Variants in CACNA1A observed in about 807,000 individuals in gnomAD.
The protein encoded by CACNA1A is voltage-dependent P/Q-type calcium channel subunit alpha-1A.
In CACNA1A, 57 loss-of-function variants were observed where a neutral mutation model predicts 262.4. The observed-to-expected ratio is 0.22, with a 90% CI of 0.18 to 0.27. CACNA1A has a LOEUF of 0.27. CACNA1A is among the 10% of genes least tolerant of loss of function. The probability of loss-of-function intolerance (pLI) is 1.00; values close to 1 mark genes in which losing one functional copy is unlikely to be tolerated. For synonymous variants in CACNA1A, 1,431 were observed against 1,419.3 expected (o/e 1.01, Z -0.18); for missense variants, 2,526 against 3,562.8 (o/e 0.71, Z 7.41).
At chr19:13,340,048 A>G (rs1487105129) in intron 6 of CACNA1A, among the ~76,000 whole-genome samples, 3 of 152,152 alleles carry the variant, frequency 2.0e-5, no homozygotes, top group South Asian at 2.1e-4. Flanking sequence ...GGCTAAATAT[A>G]GCCCAGGGAA....
At chr19:13,229,924 G>T in intron 36 of CACNA1A, 158 bp downstream of exon 36, 1 of 800,348 alleles carries the variant, frequency 1.2e-6, no homozygotes, top group South Asian at 2.2e-5. Context: ...GTATGCAAGG[G>T]TGATGATTCT....
intron 38 of CACNA1A, among the ~76,000 whole-genome samples, chr19:13,221,386 C>T (rs2055225743): frequency 6.7e-6 from 1 of 148,996 alleles, no homozygotes; most frequent in Admixed American, 6.8e-5. Flanking sequence ...GTGTGCACCA[C>T]CATGCCTGGC....
intron 1 of CACNA1A, among the ~76,000 whole-genome samples, chr19:13,493,575 T>C (rs897885886): frequency 6.6e-6 from 1 of 152,254 alleles, no homozygotes; most frequent in Non-Finnish European, 1.5e-5. Flanking sequence ...TCTTTCTCTG[T>C]TCCTTGTCAT....
chr19:13,282,741 G>A (rs2057320918), intron 22 of CACNA1A, among the ~76,000 whole-genome samples: 3 of 152,106 alleles, frequency 2.0e-5, no homozygotes, highest in Non-Finnish European at 2.9e-5. Flanking sequence ...TGCATGCTGA[G>A]TTTCTTCCTG....
chr19:13,299,372 A>G lies in CACNA1A; in HGVS notation c.2280-19T>C. The G allele has an allele frequency of 6.3e-7, 1 of 1,596,840 alleles. No individual in the cohort carries two copies. The highest frequency in any genetic ancestry group is 2.2e-5 in the East Asian group (1 of 44,858). On this transcript the variant is annotated intron_variant, in intron 18 of 46. Transcript: ENST00000360228. ...CTCTTTCCTGCAGTGGCATGGTCAC[A>G]GGACTTAGAGCATTGCTAGGCACTG...
chr19:13,415,228 G>C (rs1376918900), intron 3 of CACNA1A, among the ~76,000 whole-genome samples: 1 of 151,980 alleles, frequency 6.6e-6, no homozygotes, highest in Non-Finnish European at 1.5e-5. Context: ...GCGGGTGTGT[G>C]TGCGGCGCGG....
In CACNA1A at chr19:13,255,198, T is replaced by C. The variant is rs778159926; in HGVS notation, c.4652A>G (p.Lys1551Arg). The change falls in exon 29 of 47, where the codon AAG becomes AGG. Residue 1551 changes from lysine to arginine, a missense_variant. Around this residue, in one of 17 missense-constraint regions of CACNA1A, gnomAD observed 36 missense variants for 47.3 expected, o/e 0.76. Coordinates refer to ENST00000360228, the MANE Select transcript of CACNA1A (RefSeq NM_001127222.2). ...KPLTRHMPQNKQSFQYRMWQF... is the reference protein window; with the variant it reads ...KPLTRHMPQNRQSFQYRMWQF... ...CCACATGCGGTACTGGAAGCTCTGC[T>C]TGTTCTGCGGCATGTGTCGGGTCAG... is the stretch of plus-strand genomic sequence containing the variant. 1 of 1,613,172 alleles carries C rather than the reference T, an allele frequency of 6.2e-7. No homozygotes were observed. Among genetic ancestry groups the C allele is most frequent in the Admixed American group, 1.7e-5 (1 of 60,000 alleles).
At chr19:13,210,376 C>G (rs1208322314) in intron 44 of CACNA1A, among the ~76,000 whole-genome samples, 3 of 152,062 alleles carry the variant, frequency 2.0e-5, no homozygotes, top group South Asian at 2.1e-4. Flanking sequence ...GCGTGGGGGG[C>G]CCTGAAGAAA....
Position 13,365,322 on chromosome 19 carries a change from C to T in CACNA1A, c.779G>A (p.Gly260Glu), listed in dbSNP as rs887308405. 6.2e-7 allele frequency: 1 copy of T among 1,612,156 alleles called. No individual in the cohort carries two copies. Among genetic ancestry groups the T allele is most frequent in the Non-Finnish European group, 8.5e-7 (1 of 1,178,726 alleles). Residue 260 changes from glycine to glutamate, a missense_variant, in exon 5 of 47, where the codon GGG becomes GAG. Transcript: ENST00000360228. ...ATCATGCTCCGTGGACCTACCTGTCCCCTCTTCAAAGCAGGTGGTATGAAA... is the reference window on the plus strand; with the variant it reads ...ATCATGCTCCGTGGACCTACCTGTCTCCTCTTCAAAGCAGGTGGTATGAAA... Reference protein sequence around the residue: ...GKFHTTCFEEGTDDIQGESPA... With the variant: ...GKFHTTCFEEETDDIQGESPA...
chr19:13,381,742 G>A (rs4461194), intron 3 of CACNA1A, among the ~76,000 whole-genome samples: 74,729 of 152,056 alleles, frequency 0.49, 19,715 homozygotes, highest in African/African-American at 0.69. Flanking sequence ...AGGCTGGACC[G>A]TGCATTTAAT....
At chr19:13,370,289 C>CGG (rs756167919) in intron 4 of CACNA1A, among the ~76,000 whole-genome samples, 1 of 151,952 alleles carries the variant, frequency 6.6e-6, no homozygotes, top group Non-Finnish European at 1.5e-5. Flanking sequence ...TTAGTAGAGA[C>CGG]GGGGTTTCCC....
At chr19:13,359,512 G>A (rs2059064911) in intron 6 of CACNA1A, 94 bp downstream of exon 6, 2 of 971,092 alleles carry the variant, frequency 2.1e-6, no homozygotes, top group Non-Finnish European at 3.2e-6. Context: ...CCAGCTCAGG[G>A]TCCCTCCATT....
intron 19 of CACNA1A, among the ~76,000 whole-genome samples, chr19:13,290,879 C>A (rs573742045): frequency 6.6e-6 from 1 of 152,050 alleles, no homozygotes; most frequent in Non-Finnish European, 1.5e-5. Context: ...AAACTCGTGG[C>A]GGCATTTTCT....
chr19:13,353,396 T>C (rs2058950032), intron 6 of CACNA1A, among the ~76,000 whole-genome samples: 1 of 151,816 alleles, frequency 6.6e-6, no homozygotes, highest in South Asian at 2.1e-4. Flanking sequence ...ACTCCCAAAT[T>C]GCTGGAATTA....
intron 3 of CACNA1A, among the ~76,000 whole-genome samples, chr19:13,401,815 A>T (rs1374415824): frequency 1.3e-5 from 2 of 152,002 alleles, no homozygotes; most frequent in Admixed American, 1.3e-4. Context: ...ACTCCACCTC[A>T]TTGCACCCCT....
chr19:13,490,692 G>GGAAA (rs56868654), intron 1 of CACNA1A, among the ~76,000 whole-genome samples: 8,207 of 132,526 alleles, frequency 0.062, 264 homozygotes, highest in Non-Finnish European at 0.084. Context: ...GAGAAAGAAA[G>GGAAA]GAAAGAAAGA....
Position 13,323,862 on chromosome 19 carries a change from C to G in CACNA1A, c.1345+6382G>C, listed in dbSNP as rs568321413. Among the ~76,000 whole-genome samples, 7 of 152,238 alleles carry G rather than the reference C, an allele frequency of 4.6e-5. 1 individual carries two copies. Among genetic ancestry groups the G allele is most frequent in the African/African-American group, 1.4e-4 (6 of 41,534 alleles). On this transcript the variant is annotated intron_variant, in intron 10 of 46. Coordinates refer to ENST00000360228, the MANE Select transcript of CACNA1A (RefSeq NM_001127222.2). Reference sequence around the variant, plus strand: ...CATTCCCGAGACCAATGCCATGGAGCTTTCTCCTTATGTTTTCTTGGAGCA... The same window carrying G: ...CATTCCCGAGACCAATGCCATGGAGGTTTCTCCTTATGTTTTCTTGGAGCA...
At chr19:13,310,736 C>T (rs8182590) in intron 12 of CACNA1A, among the ~76,000 whole-genome samples, 80,272 of 150,348 alleles carry the variant, frequency 0.53, 21,855 homozygotes, top group East Asian at 0.83. Context: ...AAGGGATACA[C>T]GGATATTGAG....
At chr19:13,268,670 G>C (rs1276834077) in intron 24 of CACNA1A, among the ~76,000 whole-genome samples, 1 of 151,956 alleles carries the variant, frequency 6.6e-6, no homozygotes, top group African/African-American at 2.4e-5. Flanking sequence ...TCTTGACCTC[G>C]TGATCCGCCC....
Sources: allele counts gnomAD v4.1 joint callset (sites outside exome capture counted in the v4.1 genomes callset), GRCh38; gene constraint gnomAD v4.1.1; regional missense constraint gnomAD v4.1.1; transcripts MANE v1.5; gene names NCBI Gene and HGNC (gene_info 2026-07-23, HGNC 2026-07-21).